Variants in NFATC2 observed in about 807,000 individuals in gnomAD.
NFATC2 encodes nuclear factor of activated T cells 2.
NFATC2 carries 22 observed loss-of-function variants against 87.3 expected under a neutral mutation model. The observed-to-expected ratio is 0.25, with a 90% CI of 0.18 to 0.36. The LOEUF (loss-of-function observed/expected upper bound fraction) is 0.36, where lower values mean the gene tolerates loss of function less well. NFATC2 is among the 10% of genes least tolerant of loss of function. NFATC2 has a pLI of 1.00. For missense variants in NFATC2, 1,149 were observed against 1,259.1 expected (o/e 0.91, Z 1.32); for synonymous variants, 565 against 542.2 (o/e 1.04, Z -0.58).
At chr20:51,537,833 C>G (rs758368251) in intron 1 of NFATC2, among the ~76,000 whole-genome samples, 15 of 152,172 alleles carry the variant, frequency 9.9e-5, no homozygotes, top group Non-Finnish European at 1.5e-4. Context: ...GTCTCCTCCA[C>G]TAGAAAGAAA....
intron 5 of NFATC2, among the ~76,000 whole-genome samples, chr20:51,462,432 C>T (rs904215283): frequency 2.0e-5 from 3 of 152,080 alleles, no homozygotes; most frequent in African/African-American, 4.8e-5. Flanking sequence ...GATGACAGAG[C>T]GAGACTCTGT....
intron 9 of NFATC2, among the ~76,000 whole-genome samples, chr20:51,424,892 A>G (rs1207554178): frequency 6.6e-6 from 1 of 151,594 alleles, no homozygotes; most frequent in East Asian, 1.9e-4. Context: ...AAGGTGGATG[A>G]CGTTGCTTCC....
At chr20:51,431,392 C>T (rs1318998508) in intron 9 of NFATC2, among the ~76,000 whole-genome samples, 1 of 152,080 alleles carries the variant, frequency 6.6e-6, no homozygotes. Context: ...CTGGGCAGAC[C>T]CCTTGCCCAC....
upstream of NFATC2, among the ~76,000 whole-genome samples, chr20:51,543,797 C>T (rs1035997176): frequency 4.6e-5 from 7 of 152,054 alleles, no homozygotes; most frequent in African/African-American, 1.7e-4. Context: ...AGAACACCCT[C>T]CAATAAAACT....
intron 3 of NFATC2, among the ~76,000 whole-genome samples, chr20:51,510,516 T>A (rs948353680): frequency 2.0e-5 from 3 of 152,276 alleles, no homozygotes; most frequent in Non-Finnish European, 4.4e-5. Flanking sequence ...CCCCTTTTCA[T>A]CTGATACCTG....
At chr20:51,457,446 A>C (rs1309448612) in intron 5 of NFATC2, among the ~76,000 whole-genome samples, 1 of 152,200 alleles carries the variant, frequency 6.6e-6, no homozygotes, top group South Asian at 2.1e-4. Context: ...GCTGTGAATC[A>C]CTGCACGCTG....
intron 1 of NFATC2, among the ~76,000 whole-genome samples, chr20:51,532,302 C>T (rs1211768290): frequency 1.3e-5 from 2 of 152,118 alleles, no homozygotes; most frequent in African/African-American, 2.4e-5. Context: ...GATTCATTCT[C>T]AGGCAACCTG....
At chr20:51,454,799 CTGT>C (rs1328028702) in intron 5 of NFATC2, 111 bp from the exon 6 acceptor site, 25 of 1,184,272 alleles carry the variant, frequency 2.1e-5, no homozygotes, top group Middle Eastern at 5.5e-4. Context: ...CCTGTGTCAC[CTGT>C]TGTTATCTAA....
chr20:51,551,182 A>G (rs1372629204), intron 1 of NFATC2, among the ~76,000 whole-genome samples: 1 of 152,234 alleles, frequency 6.6e-6, no homozygotes, highest in Non-Finnish European at 1.5e-5. Context: ...GTGAGGCAAG[A>G]GAGGTAAAAT....
chr20:51,392,067 C>T (rs1430303109), intron 10 of NFATC2, among the ~76,000 whole-genome samples: 1 of 152,206 alleles, frequency 6.6e-6, no homozygotes, highest in Admixed American at 6.5e-5. Context: ...CATTTGATGT[C>T]ATGCTTGAGG....
At position 51,391,359 on chromosome 20, in the gene NFATC2, G is replaced by A. The variant is rs781386170; in HGVS notation, c.*137C>T. 1 of 1,572,470 alleles carries A rather than the reference G, an allele frequency of 6.4e-7. No homozygotes were observed. Among genetic ancestry groups the A allele is most frequent in the Non-Finnish European group, 8.7e-7 (1 of 1,152,536 alleles). ...GAGGGGCTGTGGAGGGCTCCGAGGGGTCAGATACAGAAGGTGTCTTGCTAT... is the reference window on the plus strand; with the variant it reads ...GAGGGGCTGTGGAGGGCTCCGAGGGATCAGATACAGAAGGTGTCTTGCTAT... On this transcript the variant is annotated 3_prime_UTR_variant, in exon 11 of 11. Coordinates refer to ENST00000371564, the MANE Select transcript of NFATC2 (RefSeq NM_012340.5).
rs1234091788 is a variant in NFATC2 at position 51,561,476 on chromosome 20, AAAGAAAGAAAGCAAGC to A, written c.70+1068_70+1083del. Among the ~76,000 whole-genome samples, 973 of 131,886 alleles carry A rather than the reference AAAGAAAGAAAGCAAGC, an allele frequency of 7.4e-3. 8 individuals carry two copies. Among genetic ancestry groups the A allele is most frequent in the Admixed American group, 0.015 (194 of 12,686 alleles). 86.5% of individuals were successfully genotyped at this position (131,886 alleles called of 152,430 possible). A position where few individuals can be genotyped will look rare whatever the true frequency, so the allele number is the denominator to read the frequency against. On this transcript the variant is annotated intron_variant, in intron 1 of 10. Coordinates refer to the NFATC2 transcript ENST00000414705. ...GAAAGAAAGAAAGAAAGAAAGAAAG[AAAGAAAGAAAGCAAGC>A]AAGCAAGCAAGCAAGCAAGCAAGCA... is the stretch of plus-strand genomic sequence containing the variant.
At chr20:51,493,487 G>A (rs1309749587) in intron 3 of NFATC2, among the ~76,000 whole-genome samples, 10 of 152,196 alleles carry the variant, frequency 6.6e-5, no homozygotes, top group Admixed American at 5.2e-4. Context: ...CCCATTTACA[G>A]AGGGAATGTC....
intron 5 of NFATC2, 89 bp downstream of exon 5, chr20:51,473,891 G>C: frequency 2.1e-6 from 3 of 1,432,988 alleles, no homozygotes; most frequent in Non-Finnish European, 2.8e-6. Context: ...GGCCACCCCG[G>C]GTACCTCGCC....
chr20:51,453,231 T>A (rs964723270), intron 6 of NFATC2, among the ~76,000 whole-genome samples: 3 of 152,240 alleles, frequency 2.0e-5, no homozygotes, highest in African/African-American at 7.2e-5. Context: ...GAAGGATGAT[T>A]TGTGCGAGAC....
chr20:51,518,897 C>T (rs533811545), intron 2 of NFATC2, among the ~76,000 whole-genome samples: 3 of 152,118 alleles, frequency 2.0e-5, no homozygotes, highest in African/African-American at 7.2e-5. Context: ...AACTCCTGGG[C>T]TCAAACTATC....
At chr20:51,476,331 T>C (rs997428654) in intron 3 of NFATC2, among the ~76,000 whole-genome samples, 4 of 149,968 alleles carry the variant, frequency 2.7e-5, no homozygotes, top group Admixed American at 6.7e-5. Flanking sequence ...CAAAGTTTGA[T>C]TGTGTAACTT....
rs570478076 is a variant in NFATC2, at chr20:51,526,092, C to T, written c.131-1982G>A. ...GGTTCCTTCCTGCATCTGCTCAGCC[C>T]GCACCTCCTGAGATCGACCCATCAA... On this transcript the variant is annotated intron_variant, in intron 1 of 10. Coordinates refer to ENST00000371564, the MANE Select transcript of NFATC2 (RefSeq NM_012340.5). Among the ~76,000 whole-genome samples, 322 of 152,116 alleles carry T rather than the reference C, an allele frequency of 2.1e-3. 1 individual carries two copies. The highest frequency in any genetic ancestry group is 7.5e-3 in the African/African-American group (311 of 41,516).
At chr20:51,542,750 G>GGGA (rs1555819093), upstream of NFATC2, 2 of 567,868 alleles carry the variant, frequency 3.5e-6, no homozygotes, top group African/African-American at 1.2e-4. Flanking sequence ...CCGGGGAGGC[G>GGGA]GGGGGGGGGG....
Sources: allele counts gnomAD v4.1 joint callset (sites outside exome capture counted in the v4.1 genomes callset), GRCh38; gene constraint gnomAD v4.1.1; transcripts MANE v1.5; gene names NCBI Gene and HGNC (gene_info 2026-07-23, HGNC 2026-07-21).